KCNIP4: variants seen among roughly 807,000 people sequenced by gnomAD.
KCNIP4 encodes potassium voltage-gated channel interacting protein 4.
A neutral mutation model predicts 34.0 loss-of-function variants in KCNIP4; 12 were observed. The observed-to-expected ratio is 0.35, with a 90% CI of 0.23 to 0.57. The LOEUF is 0.57. Ranked by LOEUF, KCNIP4 falls within the 20% of genes least tolerant of loss-of-function variation. KCNIP4 has a pLI of 0.83. For synonymous variants in KCNIP4, 124 were observed against 102.2 expected, an observed-to-expected ratio of 1.21 and a Z score of -1.29; for missense variants, 238 against 311.7, an observed-to-expected ratio of 0.76 and a Z score of 1.78.
intron 1 of KCNIP4, among the ~76,000 whole-genome samples, chr4:21,576,344 G>A (rs533596555): frequency 4.6e-5 from 7 of 152,190 alleles, no homozygotes; most frequent in African/African-American, 7.2e-5. Context: ...GACAGTTCCC[G>A]TAGGTATAAC....
At chr4:21,263,811 A>G (rs1218777699) in intron 1 of KCNIP4, among the ~76,000 whole-genome samples, 2 of 151,998 alleles carry the variant, frequency 1.3e-5, no homozygotes, top group Non-Finnish European at 2.9e-5. Flanking sequence ...ATGCACCACC[A>G]TGCCTGACTA....
At chr4:20,790,119 T>C (rs1002327637) in intron 3 of KCNIP4, among the ~76,000 whole-genome samples, 2 of 152,176 alleles carry the variant, frequency 1.3e-5, no homozygotes, top group African/African-American at 4.8e-5. Context: ...ACTGCAAACT[T>C]GTACTGCATG....
At position 21,135,258 on chromosome 4, in the gene KCNIP4, G is replaced by A. The variant is rs141530589; in HGVS notation, c.62-252549C>T. On this transcript the variant is annotated intron_variant, in intron 1 of 8. Transcript: ENST00000382152. ...CAGAGGTGTAGAATGGGTCAAAGAG[G>A]GAAAGCAGTGCTTTCAAAATGATAT... Among the ~76,000 whole-genome samples, 383 of 152,242 alleles carry A rather than the reference G, an allele frequency of 2.5e-3. 6 individuals carry two copies. Among genetic ancestry groups the A allele is most frequent in the Admixed American group, 1.4e-3 (21 of 15,304 alleles).
intron 1 of KCNIP4, among the ~76,000 whole-genome samples, chr4:21,512,304 A>G (rs1384639816): frequency 1.3e-5 from 2 of 152,164 alleles, no homozygotes; most frequent in Non-Finnish European, 2.9e-5. Flanking sequence ...AACTGAGTTC[A>G]TTACCCAAGC....
chr4:21,094,169 T>A (rs1044967672), intron 1 of KCNIP4, among the ~76,000 whole-genome samples: 5 of 152,222 alleles, frequency 3.3e-5, no homozygotes, highest in African/African-American at 1.2e-4. Flanking sequence ...ATCAAAATGT[T>A]ATTTAAAAAC....
intron 1 of KCNIP4, among the ~76,000 whole-genome samples, chr4:20,999,113 A>G (rs148463702): frequency 1.3e-5 from 2 of 152,314 alleles, no homozygotes; most frequent in Admixed American, 6.5e-5. Context: ...TGACAAAAAG[A>G]CATCATCTGA....
At chr4:21,219,779 TA>T (rs1311826503) in intron 1 of KCNIP4, among the ~76,000 whole-genome samples, 1 of 152,060 alleles carries the variant, frequency 6.6e-6, no homozygotes, top group Non-Finnish European at 1.5e-5. Context: ...ATATAAGCAC[TA>T]AGGGGAAAAC....
chr4:21,664,354 A>G (rs1350350059), intron 1 of KCNIP4, among the ~76,000 whole-genome samples: 1 of 152,108 alleles, frequency 6.6e-6, no homozygotes, highest in African/African-American at 2.4e-5. Context: ...TAGACCTGTC[A>G]AACAAAAAAC....
chr4:21,244,567 A>G (rs1760069387), intron 1 of KCNIP4, among the ~76,000 whole-genome samples: 1 of 152,202 alleles, frequency 6.6e-6, no homozygotes, highest in African/African-American at 2.4e-5. Context: ...AAACATGCTA[A>G]TACTACAGAG....
At chr4:21,846,152 A>G (rs1407091735) in intron 1 of KCNIP4, 1 of 152,138 alleles carries the variant, frequency 6.6e-6, no homozygotes, top group Non-Finnish European at 1.5e-5. Flanking sequence ...AAGCTCTAAT[A>G]GAAATTTCTA....
intron 1 of KCNIP4, among the ~76,000 whole-genome samples, chr4:21,798,803 A>G (rs939443412): frequency 6.6e-6 from 1 of 152,102 alleles, no homozygotes; most frequent in Non-Finnish European, 1.5e-5. Flanking sequence ...GAAACAAAAA[A>G]GGTAAAGATA....
At chr4:21,672,631 T>C (rs1168040739) in intron 1 of KCNIP4, among the ~76,000 whole-genome samples, 2 of 152,248 alleles carry the variant, frequency 1.3e-5, no homozygotes, top group South Asian at 2.1e-4. Context: ...CATGAAAGTA[T>C]GATAAGATTC....
chr4:20,757,821 G>A (rs1025280686), intron 4 of KCNIP4, among the ~76,000 whole-genome samples: 7 of 152,116 alleles, frequency 4.6e-5, no homozygotes, highest in Non-Finnish European at 8.8e-5. Context: ...GGCATGCCAG[G>A]GACAGGCACA....
intron 1 of KCNIP4, among the ~76,000 whole-genome samples, chr4:21,469,681 A>AC (rs1368463956): frequency 3.3e-5 from 5 of 151,942 alleles, no homozygotes; most frequent in Admixed American, 2.0e-4. Context: ...TGCAGACAGC[A>AC]TTTTTTTTCC....
intron 1 of KCNIP4, among the ~76,000 whole-genome samples, chr4:21,830,672 T>TCAAA (rs758317234): frequency 1.8e-4 from 28 of 152,016 alleles, no homozygotes; most frequent in Non-Finnish European, 3.5e-4. Context: ...AGACTCAGTC[T>TCAAA]CAAACAAACA....
At chr4:20,896,745 T>C (rs1726577028) in intron 1 of KCNIP4, among the ~76,000 whole-genome samples, 1 of 152,188 alleles carries the variant, frequency 6.6e-6, no homozygotes, top group Non-Finnish European at 1.5e-5. Flanking sequence ...TGTGGAAATT[T>C]GTTACAGCAG....
intron 1 of KCNIP4, among the ~76,000 whole-genome samples, chr4:21,443,247 T>C (rs1047290100): frequency 2.6e-5 from 4 of 152,172 alleles, no homozygotes; most frequent in Non-Finnish European, 5.9e-5. Context: ...CACTAGCTTC[T>C]CATCATTCTC....
At chr4:21,114,814 G>T (rs890509567) in intron 1 of KCNIP4, among the ~76,000 whole-genome samples, 4 of 152,148 alleles carry the variant, frequency 2.6e-5, no homozygotes, top group Non-Finnish European at 4.4e-5. Flanking sequence ...CTAGTAAGTT[G>T]CAGAGACATG....
At chr4:21,836,246 CAAG>C (rs559971184) in intron 1 of KCNIP4, among the ~76,000 whole-genome samples, 5 of 152,094 alleles carry the variant, frequency 3.3e-5, no homozygotes, top group Non-Finnish European at 7.4e-5. Flanking sequence ...GAGAAATAAA[CAAG>C]AAGGACTCAG....
Sources: allele counts gnomAD v4.1 joint callset (sites outside exome capture counted in the v4.1 genomes callset), GRCh38; gene constraint gnomAD v4.1.1; transcripts MANE v1.5; gene names NCBI Gene and HGNC (gene_info 2026-07-23, HGNC 2026-07-21).